Variants in SRPK1 observed in about 807,000 individuals in gnomAD.
SRPK1 encodes SFRS protein kinase 1.
A neutral mutation model predicts 89.5 loss-of-function variants in SRPK1; 52 were observed. The observed-to-expected ratio is 0.58, with a 90% confidence interval of 0.46 to 0.73. SRPK1 has a LOEUF of 0.73. SRPK1 is among the 30% of genes least tolerant of loss of function. The pLI is 0.00. For missense variants in SRPK1, 603 were observed against 780.6 expected (o/e 0.77, Z 2.71); for synonymous variants, 255 against 270.2 (o/e 0.94, Z 0.55).
intron 12 of SRPK1, among the ~76,000 whole-genome samples, chr6:35,859,714 T>A (rs1769738829): frequency 6.6e-6 from 1 of 152,216 alleles, no homozygotes. Context: ...CAGATGCTGA[T>A]GTGCTGAAGA....
At chr6:35,864,004 C>T (rs1769841518) in intron 12 of SRPK1, among the ~76,000 whole-genome samples, 1 of 152,204 alleles carries the variant, frequency 6.6e-6, no homozygotes, top group East Asian at 1.9e-4. Flanking sequence ...AAAAATGAAA[C>T]TCAATCCCTA....
At chr6:35,866,811 A>G (rs1769914907) in intron 12 of SRPK1, among the ~76,000 whole-genome samples, 1 of 152,208 alleles carries the variant, frequency 6.6e-6, no homozygotes, top group African/African-American at 2.4e-5. Context: ...TGTGGTATGG[A>G]ATGAACACAA....
intron 2 of SRPK1, among the ~76,000 whole-genome samples, chr6:35,905,554 T>G (rs1770832552): frequency 6.6e-6 from 1 of 152,104 alleles, no homozygotes; most frequent in South Asian, 2.1e-4. Flanking sequence ...TCTGAGAAAT[T>G]AGGTGGTAGC....
intron 9 of SRPK1, 54 bp from the exon 10 acceptor site, chr6:35,870,548 C>T: frequency 6.8e-7 from 1 of 1,468,182 alleles, no homozygotes; most frequent in South Asian, 1.3e-5. Context: ...TAATTACCCC[C>T]AGTTGGAGAT....
At chr6:35,863,913 C>T (rs982241192) in intron 12 of SRPK1, among the ~76,000 whole-genome samples, 1 of 152,114 alleles carries the variant, frequency 6.6e-6, no homozygotes, top group African/African-American at 2.4e-5. Context: ...GAAAGATCAA[C>T]CAATCAAAAA....
At chr6:35,901,751 T>C (rs1467066331) in intron 2 of SRPK1, among the ~76,000 whole-genome samples, 1 of 152,188 alleles carries the variant, frequency 6.6e-6, no homozygotes, top group Non-Finnish European at 1.5e-5. Flanking sequence ...AAATGCTAAA[T>C]TTCTCCCACT....
chr6:35,915,788 C>T (rs1045278752), intron 2 of SRPK1, among the ~76,000 whole-genome samples: 8 of 151,620 alleles, frequency 5.3e-5, no homozygotes, highest in African/African-American at 2.4e-5. Flanking sequence ...CTGGCTAACA[C>T]GGTGAAATCC....
At chr6:35,870,597 A>G in intron 9 of SRPK1, 103 bp from the exon 10 acceptor site, 2 of 1,091,472 alleles carry the variant, frequency 1.8e-6, no homozygotes, top group South Asian at 3.3e-5. Flanking sequence ...AAATTTCACA[A>G]ATCTTTCCCT....
intron 9 of SRPK1, 111 bp from the exon 10 acceptor site, chr6:35,870,605 C>T: frequency 2.0e-6 from 2 of 976,184 alleles, no homozygotes; most frequent in Admixed American, 2.8e-5. Flanking sequence ...CAAATCTTTC[C>T]CTAACATAGC....
Position 35,881,729 on chromosome 6 carries a change from C to T in SRPK1, c.478+4995G>A, listed in dbSNP as rs146896931. ...TATAACAATTATAGACATTTACATACTTATTAAAAGACCACCAAACTATAT... is the reference window on the plus strand; with the variant it reads ...TATAACAATTATAGACATTTACATATTTATTAAAAGACCACCAAACTATAT... On this transcript the variant is annotated intron_variant, in intron 6 of 15. Coordinates refer to ENST00000373825, the MANE Select transcript of SRPK1 (RefSeq NM_003137.5). 1.5e-3 allele frequency among the ~76,000 whole-genome samples: 225 copies of T among 151,732 alleles called. 1 individual carries two copies. Among genetic ancestry groups the T allele is most frequent in the Middle Eastern group, 3.4e-3 (1 of 292 alleles).
intron 2 of SRPK1, among the ~76,000 whole-genome samples, chr6:35,909,651 C>A (rs1040293193): frequency 3.3e-5 from 5 of 152,142 alleles, no homozygotes; most frequent in Non-Finnish European, 2.9e-5. Context: ...ATTGTAATAC[C>A]CACATGTCAT....
At chr6:35,875,254 CTTTTTT>C (rs753490683) in intron 6 of SRPK1, among the ~76,000 whole-genome samples, 1 of 136,966 alleles carries the variant, frequency 7.3e-6, no homozygotes. Flanking sequence ...ATGGAGACTT[CTTTTTT>C]TTTTTTTTTT....
chr6:35,838,540 G>A, intron 14 of SRPK1, 111 bp from the exon 15 acceptor site: 3 of 1,306,318 alleles, frequency 2.3e-6, no homozygotes, highest in South Asian at 1.3e-5. Flanking sequence ...TCTTTGTAAA[G>A]CCTATCAGGC....
intron 6 of SRPK1, among the ~76,000 whole-genome samples, chr6:35,881,610 T>C (rs1229196698): frequency 6.6e-6 from 1 of 151,546 alleles, no homozygotes; most frequent in Admixed American, 6.6e-5. Flanking sequence ...TATACTAATA[T>C]CAGACAAAAT....
chr6:35,870,325 G>T lies in SRPK1; in HGVS notation c.947C>A (p.Pro316His). 1 of 1,613,450 alleles carries T rather than the reference G, an allele frequency of 6.2e-7. No homozygotes were observed. Among genetic ancestry groups the T allele is most frequent in the East Asian group, 2.2e-5 (1 of 44,862 alleles). The change falls in exon 10 of 16, where the codon CCC (proline) becomes CAC (histidine). Residue 316 changes from proline (P) to histidine (H), a missense_variant. Pro to His is a moderately conservative substitution (Grantham distance 77). Coordinates refer to ENST00000373825, the MANE Select transcript of SRPK1 (RefSeq NM_003137.5). ...QEESESPVER[P>H]LKENPPNKMT... ...TTTATTAGGTGGGTTCTCTTTCAAG[G>T]GTCTTTCAACAGGACTCTCTGATTC...
intron 13 of SRPK1, among the ~76,000 whole-genome samples, chr6:35,851,435 A>C (rs1459750160): frequency 6.6e-6 from 1 of 152,060 alleles, no homozygotes; most frequent in East Asian, 1.9e-4. Context: ...CAGCCTCCCA[A>C]AGTGCTGAGA....
intron 12 of SRPK1, among the ~76,000 whole-genome samples, chr6:35,867,833 A>C (rs1462802822): frequency 6.6e-6 from 1 of 152,184 alleles, no homozygotes; most frequent in Non-Finnish European, 1.5e-5. Flanking sequence ...AAAAACCTTA[A>C]AACACTTTAT....
intron 2 of SRPK1, among the ~76,000 whole-genome samples, chr6:35,906,814 C>T (rs1474381928): frequency 6.6e-6 from 1 of 152,002 alleles, no homozygotes; most frequent in African/African-American, 2.4e-5. Context: ...TTTAATTATA[C>T]CTCCATAAAA....
chr6:35,869,440 G>A, intron 11 of SRPK1, 42 bp downstream of exon 11: 1 of 1,581,168 alleles, frequency 6.3e-7, no homozygotes, highest in Non-Finnish European at 8.6e-7. Context: ...TGAATGTGTT[G>A]TGCAGGGAAG....
Sources: allele counts gnomAD v4.1 joint callset (sites outside exome capture counted in the v4.1 genomes callset), GRCh38; gene constraint gnomAD v4.1.1; transcripts MANE v1.5; gene names NCBI Gene and HGNC (gene_info 2026-07-23, HGNC 2026-07-21).